MFAP2: variants seen among roughly 807,000 people sequenced by gnomAD.
MFAP2 encodes the protein microfibril associated protein 2.
A neutral mutation model predicts 30.6 loss-of-function variants in MFAP2; 23 were observed. That is an observed-to-expected ratio of 0.75 (90% CI 0.54 to 1.07). The LOEUF is 1.07. Among genes scored for constraint, MFAP2 ranks in the 50% least tolerant of loss-of-function variants. The pLI is 0.00. For missense variants in MFAP2, 198 were observed against 223.8 expected, an observed-to-expected ratio of 0.88 and a Z score of 0.74; for synonymous variants, 73 against 85.7, an observed-to-expected ratio of 0.85 and a Z score of 0.82.
intron 1 of MFAP2, among the ~76,000 whole-genome samples, chr1:16,980,310 G>A (rs891277376): frequency 1.1e-5 from 1 of 94,638 alleles, no homozygotes; most frequent in African/African-American, 4.9e-5. Flanking sequence ...ACCTCCCCGG[G>A]AGAACAAAAG....
At position 16,978,316 on chromosome 1, in the gene MFAP2, T is replaced by C; in HGVS notation, c.-41-2A>G. The C allele has an allele frequency of 6.4e-7, 1 of 1,560,994 alleles. No homozygotes were observed. Among genetic ancestry groups the C allele is most frequent in the Non-Finnish European group, 8.7e-7 (1 of 1,151,176 alleles). ...CCGGGGTGGTGTCAGAGAGGACAGCTGGGGAAAGACCGGTGGGAGAGCTCT... is the reference window on the plus strand; with the variant it reads ...CCGGGGTGGTGTCAGAGAGGACAGCCGGGGAAAGACCGGTGGGAGAGCTCT... On this transcript the variant is annotated splice_acceptor_variant, in intron 1 of 8. Coordinates refer to ENST00000375535, the MANE Select transcript of MFAP2 (RefSeq NM_002403.4). LOFTEE classifies it low-confidence loss of function (5UTR_SPLICE).
Position 16,975,196 on chromosome 1 carries a change from G to A in MFAP2, c.448+73C>T. On this transcript the variant is annotated intron_variant, in intron 8 of 8. Transcript: ENST00000375535. The surrounding 1 kb of genome is among the most constrained non-coding windows in gnomAD (Gnocchi z 5.0). Reference sequence around the variant, plus strand: ...ATAATATGTGTTGAATAAACATCAGGTGGGTGGCTAGGTGGCCAGATAATG... The same window carrying A: ...ATAATATGTGTTGAATAAACATCAGATGGGTGGCTAGGTGGCCAGATAATG... 1 of 1,434,562 alleles carries A rather than the reference G, an allele frequency of 7.0e-7. No individual in the cohort carries two copies. Among genetic ancestry groups the A allele is most frequent in the Non-Finnish European group, 9.7e-7 (1 of 1,025,782 alleles). 88.9% of individuals were successfully genotyped at this position (1,434,562 alleles called of 1,614,324 possible).
At chr1:16,981,338 A>G (rs2076636917), upstream of MFAP2, among the ~76,000 whole-genome samples, 2 of 152,084 alleles carry the variant, frequency 1.3e-5, no homozygotes, top group African/African-American at 2.4e-5. Context: ...AAATGTCCTC[A>G]AGATGCATCA....
chr1:16,979,361 G>A (rs1369467017), intron 1 of MFAP2, among the ~76,000 whole-genome samples: 3 of 152,198 alleles, frequency 2.0e-5, no homozygotes, highest in Admixed American at 2.0e-4. Flanking sequence ...AGTCCTTTCA[G>A]AGAGCTAGCT....
At chr1:16,980,279 C>G (rs1191229133) in intron 1 of MFAP2, among the ~76,000 whole-genome samples, 9 of 125,856 alleles carry the variant, frequency 7.2e-5, no homozygotes, top group Non-Finnish European at 1.2e-4. Context: ...CCCCCCCCCC[C>G]ACCCCACCCG....
rs766940826 is a variant in MFAP2, at chr1:16,976,488, AG to A, written c.286+12del. ...CGTGCCTCCATTTTTCCAGCTGTCA[AG>A]AAAGCCCTTACCAAGAGGCCCAGGC... On this transcript the variant is annotated intron_variant, in intron 6 of 8. Coordinates refer to ENST00000375535, the MANE Select transcript of MFAP2 (RefSeq NM_002403.4). This position sits in a 1 kb window ranked among gnomAD's most constrained non-coding sequence, Gnocchi z 5.5. The A allele has an allele frequency of 6.2e-7, 1 of 1,614,200 alleles. No individual in the cohort carries two copies. The highest frequency in any genetic ancestry group is 8.5e-7 in the Non-Finnish European group (1 of 1,180,006).
In MFAP2 at chr1:16,975,620, G is replaced by A. The variant is rs776754672; in HGVS notation, c.374+23C>T. On this transcript the variant is annotated intron_variant, in intron 7 of 8. Coordinates refer to ENST00000375535, the MANE Select transcript of MFAP2 (RefSeq NM_002403.4). This position sits in a 1 kb window ranked among gnomAD's most constrained non-coding sequence, Gnocchi z 5.0. ...GCCCCCCATGCTCCGGAATCCTCCC[G>A]ACAGCTGCCCATCTGTGCTCACCTG... is the stretch of plus-strand genomic sequence containing the variant. The A allele has an allele frequency of 4.3e-6, 7 of 1,610,492 alleles. No individual in the cohort carries two copies. The highest frequency in any genetic ancestry group is 1.1e-5 in the South Asian group (1 of 90,776).
At chr1:16,977,229 C>T (rs1223524894) in intron 2 of MFAP2, 31 bp from the exon 3 acceptor site, 2 of 1,607,438 alleles carry the variant, frequency 1.2e-6, no homozygotes, top group Admixed American at 3.4e-5. Context: ...TAGGGTACCC[C>T]ATCGGGAGGG....
rs2076583139 is a variant in MFAP2 at position 16,975,550 on chromosome 1, C to T, written c.374+93G>A. 5 of 1,387,524 alleles carry T rather than the reference C, an allele frequency of 3.6e-6. No individual in the cohort carries two copies. Among genetic ancestry groups the T allele is most frequent in the South Asian group, 1.2e-5 (1 of 82,738 alleles). The allele number at this position is 1,387,524 out of a possible 1,614,324, so 86.0% of individuals were successfully genotyped here. ...AACTTAAGGACTCACTATCTTTCCTCCAACTCCCACCTTGGCGGGCCAGAG... is the reference window on the plus strand; with the variant it reads ...AACTTAAGGACTCACTATCTTTCCTTCAACTCCCACCTTGGCGGGCCAGAG... On this transcript the variant is annotated intron_variant, in intron 7 of 8. Coordinates refer to ENST00000375535, the MANE Select transcript of MFAP2 (RefSeq NM_002403.4). The surrounding 1 kb of genome is among the most constrained non-coding windows in gnomAD (Gnocchi z 5.0).
Position 16,978,292 on chromosome 1 carries a change from CG to C in MFAP2, c.-20del. 5 of 1,572,092 alleles carry C rather than the reference CG, an allele frequency of 3.2e-6. No individual in the cohort carries two copies. The highest frequency in any genetic ancestry group is 4.3e-6 in the Non-Finnish European group (5 of 1,158,072). ...CTCTCATGGCAACAAAGAGGCAGGC[CG>C]GGGTGGTGTCAGAGAGGACAGCTGG... On this transcript the variant is annotated 5_prime_UTR_variant, in exon 2 of 9. Coordinates refer to ENST00000375535, the MANE Select transcript of MFAP2 (RefSeq NM_002403.4).
In MFAP2 at chr1:16,975,178, G is replaced by A. The variant is rs937090241; in HGVS notation, c.448+91C>T. The A allele has an allele frequency of 1.7e-5, 23 of 1,332,198 alleles. No individual in the cohort carries two copies. Among genetic ancestry groups the A allele is most frequent in the African/African-American group, 7.2e-5 (5 of 69,804 alleles). 82.5% of individuals were successfully genotyped at this position (1,332,198 alleles called of 1,614,324 possible). A position where few individuals can be genotyped will look rare whatever the true frequency, so the allele number is the denominator to read the frequency against. On this transcript the variant is annotated intron_variant, in intron 8 of 8. Transcript: ENST00000375535. The surrounding 1 kb of genome is among the most constrained non-coding windows in gnomAD (Gnocchi z 5.0). ...TGGAAGTGGGCCTGGTGGATAATATGTGTTGAATAAACATCAGGTGGGTGG... is the reference window on the plus strand; with the variant it reads ...TGGAAGTGGGCCTGGTGGATAATATATGTTGAATAAACATCAGGTGGGTGG...
At chr1:16,979,594 C>G (rs935285081) in intron 1 of MFAP2, among the ~76,000 whole-genome samples, 1 of 152,232 alleles carries the variant, frequency 6.6e-6, no homozygotes, top group African/African-American at 2.4e-5. Context: ...GCTCCCCACA[C>G]CCCATTCTGA....
intron 1 of MFAP2, 90 bp from the exon 2 acceptor site, chr1:16,978,404 G>T: frequency 1.8e-6 from 2 of 1,107,772 alleles, no homozygotes; most frequent in African/African-American, 1.6e-5. Context: ...CCCTGGAGAA[G>T]GTGGCACCCA....
Position 16,975,415 on chromosome 1 carries a change from TGGCACGGGAGCCCGGACAGAACC to T in MFAP2, c.375-96_375-74del. ...CCACTGGGATAGCCCAGACAGAACC[TGGCACGGGAGCCCGGACAGAACC>T]TGGCACGGGAGCCCGGACAGAACCT... is the stretch of plus-strand genomic sequence containing the variant. On this transcript the variant is annotated intron_variant, in intron 7 of 8. Coordinates refer to ENST00000375535, the MANE Select transcript of MFAP2 (RefSeq NM_002403.4). This position sits in a 1 kb window ranked among gnomAD's most constrained non-coding sequence, Gnocchi z 5.0. The T allele has an allele frequency of 1.0e-6, 1 of 1,001,230 alleles. No individual in the cohort carries two copies. Among genetic ancestry groups the T allele is most frequent in the South Asian group, 1.8e-5 (1 of 56,992 alleles). 62.0% of individuals were successfully genotyped at this position (1,001,230 alleles called of 1,614,324 possible). A position where few individuals can be genotyped will look rare whatever the true frequency, so the allele number is the denominator to read the frequency against.
At chr1:16,977,050 C>T (rs2076598815) in intron 3 of MFAP2, 59 bp downstream of exon 3, 2 of 1,612,674 alleles carry the variant, frequency 1.2e-6, no homozygotes, top group Non-Finnish European at 1.7e-6. Flanking sequence ...CAGTGCGGTC[C>T]CTGGCTGAGC....
chr1:16,980,652 A>C (rs1459851410), upstream of MFAP2: 3 of 151,816 alleles, frequency 2.0e-5, no homozygotes, highest in Non-Finnish European at 4.4e-5. Context: ...GCCCGCTCCG[A>C]GTCCCCCTCC....
rs141106064 is a variant in MFAP2 at position 16,978,147 on chromosome 1, G to A, written c.37+90C>T. On this transcript the variant is annotated intron_variant, in intron 2 of 8. Coordinates refer to ENST00000375535, the MANE Select transcript of MFAP2 (RefSeq NM_002403.4). ...GGGAGCTGAGTTCTGGTCATAAGTC[G>A]TGACAAAGGCTCACTATGAATTCCC... is the stretch of plus-strand genomic sequence containing the variant. 514 of 1,408,544 alleles carry A rather than the reference G, an allele frequency of 3.6e-4. No individual in the cohort carries two copies. The African/African-American group carries it at 5.9e-3, about 16-fold the overall frequency. 87.3% of individuals were successfully genotyped at this position (1,408,544 alleles called of 1,614,324 possible). A position where few individuals can be genotyped will look rare whatever the true frequency, so the allele number is the denominator to read the frequency against.
At chr1:16,977,916 T>C (rs1295241484) in intron 2 of MFAP2, 1 of 319,568 alleles carries the variant, frequency 3.1e-6, no homozygotes, top group African/African-American at 2.1e-5. Context: ...CTCCCTGCCT[T>C]GGGTGCCCCT....
chr1:16,981,259 A>G (rs1321325741), upstream of MFAP2, among the ~76,000 whole-genome samples: 3 of 152,196 alleles, frequency 2.0e-5, no homozygotes, highest in Non-Finnish European at 4.4e-5. Flanking sequence ...TTGGGATTAC[A>G]GGCATGAGTC....
Sources: allele counts gnomAD v4.1 joint callset (sites outside exome capture counted in the v4.1 genomes callset), GRCh38; gene constraint gnomAD v4.1.1; non-coding constraint Gnocchi (gnomAD v3.1); transcripts MANE v1.5; gene names NCBI Gene and HGNC (gene_info 2026-07-23, HGNC 2026-07-21).